Variants in CBLN2 observed in about 807,000 individuals in gnomAD.
CBLN2 encodes cerebellin 2 precursor.
In CBLN2, 7 loss-of-function variants were observed where a neutral mutation model predicts 15.0. That is an observed-to-expected ratio of 0.47 (90% CI 0.27 to 0.88). The LOEUF is 0.88. Among genes scored for constraint, CBLN2 ranks in the 40% least tolerant of loss-of-function variants. The pLI, the probability that CBLN2 is intolerant of heterozygous loss-of-function variation, is 0.14. For missense variants in CBLN2, 242 were observed against 304.5 expected, an observed-to-expected ratio of 0.79 and a Z score of 1.53; for synonymous variants, 149 against 135.2, an observed-to-expected ratio of 1.10 and a Z score of -0.71.
chr18:72,579,748 A>C (rs1394234082), intron 1 of CBLN2, among the ~76,000 whole-genome samples: 3 of 152,078 alleles, frequency 2.0e-5, no homozygotes, highest in Non-Finnish European at 4.4e-5. Context: ...AACAAAAAAC[A>C]AAAAACAAAA....
intron 1 of CBLN2, among the ~76,000 whole-genome samples, chr18:72,567,243 T>A (rs922274453): frequency 1.3e-5 from 2 of 152,192 alleles, no homozygotes; most frequent in African/African-American, 4.8e-5. Context: ...TTATCACATG[T>A]CAATCAAAAA....
chr18:72,588,045 C>T (rs2069454878), intron 1 of CBLN2, among the ~76,000 whole-genome samples: 1 of 152,238 alleles, frequency 6.6e-6, no homozygotes, highest in East Asian at 1.9e-4. Flanking sequence ...GTTTATAAAT[C>T]GCTATTATGT....
chr18:72,627,455 A>G (rs1293669151), intron 1 of CBLN2, among the ~76,000 whole-genome samples: 3 of 152,242 alleles, frequency 2.0e-5, no homozygotes, highest in Non-Finnish European at 4.4e-5. Flanking sequence ...AGGCCCTAAT[A>G]GGACTATGCG....
intron 1 of CBLN2, among the ~76,000 whole-genome samples, chr18:72,575,999 C>G (rs1400841957): frequency 6.6e-6 from 1 of 152,046 alleles, no homozygotes; most frequent in Non-Finnish European, 1.5e-5. Flanking sequence ...ATTTTGTAAG[C>G]TATTAGTTAT....
At chr18:72,571,092 T>G (rs1051627114) in intron 1 of CBLN2, among the ~76,000 whole-genome samples, 1 of 152,136 alleles carries the variant, frequency 6.6e-6, no homozygotes, top group Non-Finnish European at 1.5e-5. Flanking sequence ...AAATAGAAGA[T>G]AAATATTTTA....
In CBLN2 at chr18:72,536,740, G is replaced by T. The variant is rs768517273; in HGVS notation, c.*1436C>A. 6.6e-6 allele frequency: 1 copy of T among 152,496 alleles called. No individual in the cohort carries two copies. The highest frequency in any genetic ancestry group is 2.1e-4 in the South Asian group (1 of 4,830). The allele number at this position is 152,496 out of a possible 1,614,324, so 9.4% of individuals were successfully genotyped here. The stretch of plus-strand genomic sequence containing the variant: ...TTATGACTTTTATCATCAATATTTT[G>T]GTTACATTGTTACACAAAGAACAAA... On this transcript the variant is annotated 3_prime_UTR_variant, in exon 5 of 5. Coordinates refer to ENST00000269503, the MANE Select transcript of CBLN2 (RefSeq NM_182511.4).
At chr18:72,577,127 G>T (rs1485583561) in intron 1 of CBLN2, among the ~76,000 whole-genome samples, 2 of 149,730 alleles carry the variant, frequency 1.3e-5, no homozygotes, top group Non-Finnish European at 3.0e-5. Context: ...GATGGCCATA[G>T]AAATGTTTGC....
chr18:72,634,529 C>T (rs1489890583), intron 1 of CBLN2, among the ~76,000 whole-genome samples: 1 of 151,802 alleles, frequency 6.6e-6, no homozygotes, highest in African/African-American at 2.4e-5. Context: ...ACACATAAGG[C>T]CTGAGGGAAT....
intron 1 of CBLN2, among the ~76,000 whole-genome samples, chr18:72,594,052 A>G (rs1599015082): frequency 1.3e-5 from 2 of 152,160 alleles, no homozygotes; most frequent in Admixed American, 1.3e-4. Flanking sequence ...CAAATACCAC[A>G]TGTTCTCACT....
At chr18:72,580,460 C>A (rs1248211123) in intron 1 of CBLN2, among the ~76,000 whole-genome samples, 1 of 152,126 alleles carries the variant, frequency 6.6e-6, no homozygotes. Flanking sequence ...CCTTTAACCT[C>A]TAAAAAATGA....
At chr18:72,609,277 A>G (rs2069604994) in intron 1 of CBLN2, among the ~76,000 whole-genome samples, 1 of 152,186 alleles carries the variant, frequency 6.6e-6, no homozygotes, top group South Asian at 2.1e-4. Flanking sequence ...TACCTCAGAT[A>G]TGACTATAAT....
rs368019104 is a variant in CBLN2 at position 72,538,173 on chromosome 18, T to C, written c.*3A>G. The C allele has an allele frequency of 4.3e-5, 70 of 1,614,082 alleles. No homozygotes were observed. The African/African-American group carries it at 8.7e-4, about 20-fold the overall frequency. Reference sequence around the variant, plus strand: ...TTCCCCCACCATCTAGGGGGCTCTGTGTTTATAGAGGAAACACCAAGAAGC... The same window carrying C: ...TTCCCCCACCATCTAGGGGGCTCTGCGTTTATAGAGGAAACACCAAGAAGC... On this transcript the variant is annotated 3_prime_UTR_variant, in exon 5 of 5. Coordinates refer to ENST00000269503, the MANE Select transcript of CBLN2 (RefSeq NM_182511.4).
intron 3 of CBLN2, chr18:72,540,232 CCTT>C (rs1167361483): frequency 6.6e-6 from 1 of 152,204 alleles, no homozygotes; most frequent in East Asian, 1.9e-4. Flanking sequence ...CACCTCAACT[CCTT>C]CACCTCAATT....
chr18:72,631,350 T>C (rs985908350), intron 1 of CBLN2, among the ~76,000 whole-genome samples: 15 of 152,084 alleles, frequency 9.9e-5, no homozygotes, highest in African/African-American at 3.1e-4. Context: ...CCAATTTGAC[T>C]TTCTTGGGGT....
At position 72,585,230 on chromosome 18, in the gene CBLN2, G is replaced by A. The variant is rs367724221; in HGVS notation, c.16-46458C>T. Among the ~76,000 whole-genome samples the A allele has an allele frequency of 3.3e-5, 5 of 152,208 alleles. No individual in the cohort carries two copies. The East Asian group carries it at 9.6e-4, about 29-fold the overall frequency. Reference sequence around the variant, plus strand: ...TCCCTCTTGTCACCCACAACATGGTGAGTGGAGGTGGACATGTTTCAGACC... The same window carrying A: ...TCCCTCTTGTCACCCACAACATGGTAAGTGGAGGTGGACATGTTTCAGACC... On this transcript the variant is annotated intron_variant, in intron 1 of 2. Coordinates refer to the CBLN2 transcript ENST00000581073.
At position 72,580,135 on chromosome 18, in the gene CBLN2, T is replaced by A. The variant is rs149604628; in HGVS notation, c.16-41363A>T. Reference sequence around the variant, plus strand: ...TACAAGAAAAAATAGTAGGAAAAAATGGCATGGGTGACATTATAATTAATG... The same window carrying A: ...TACAAGAAAAAATAGTAGGAAAAAAAGGCATGGGTGACATTATAATTAATG... On this transcript the variant is annotated intron_variant, in intron 1 of 2. Coordinates refer to the CBLN2 transcript ENST00000581073. Among the ~76,000 whole-genome samples the A allele has an allele frequency of 2.5e-3, 381 of 151,786 alleles. 6 individuals carry two copies. In the East Asian group the frequency reaches 0.064, roughly 25 times the overall value.
In CBLN2 at chr18:72,621,032, A is replaced by G. The variant is rs1028176642; in HGVS notation, c.15+17293T>C. On this transcript the variant is annotated intron_variant, in intron 1 of 2. Coordinates refer to the CBLN2 transcript ENST00000581073. The stretch of plus-strand genomic sequence containing the variant: ...TTGGTATGGGTAAAATATTGTTAAT[A>G]TAAATATCTCAGAAACTGTATGCTG... Among the ~76,000 whole-genome samples the G allele has an allele frequency of 2.0e-5, 3 of 152,228 alleles. 1 individual carries two copies. The highest frequency in any genetic ancestry group is 4.1e-4 in the South Asian group (2 of 4,836).
chr18:72,618,535 T>TC, intron 1 of CBLN2: 1 of 712,072 alleles, frequency 1.4e-6, no homozygotes, highest in Non-Finnish European at 2.6e-6. Flanking sequence ...AAAAGCTGTC[T>TC]CAAGAAAAGT....
intron 1 of CBLN2, among the ~76,000 whole-genome samples, chr18:72,632,221 G>T (rs992475371): frequency 2.6e-5 from 4 of 151,922 alleles, no homozygotes; most frequent in African/African-American, 9.7e-5. Context: ...AAGGGTAACT[G>T]GTTTAACATC....
Sources: gnomAD v4.1 joint callset for allele counts (sites outside exome capture counted in the v4.1 genomes callset) on GRCh38, gnomAD v4.1.1 for gene constraint, MANE v1.5 for transcripts, NCBI Gene and HGNC (gene_info 2026-07-23, HGNC 2026-07-21) for gene names.